ACTA2: variants seen among roughly 807,000 people sequenced by gnomAD.
ACTA2 encodes actin, aortic smooth muscle.
In ACTA2, 12 loss-of-function variants were observed where a neutral mutation model predicts 39.5. That is an observed-to-expected ratio of 0.30 (90% CI 0.19 to 0.49). The LOEUF is 0.49. ACTA2 is among the 20% of genes least tolerant of loss of function. ACTA2 has a pLI of 0.99. For missense variants in ACTA2, 236 were observed against 498.8 expected (o/e 0.47, Z 5.02); for synonymous variants, 158 against 180.6 (o/e 0.88, Z 1.00).
chr10:88,973,516 A>T, intron 1 of ACTA2: 1 of 500,204 alleles, frequency 2.0e-6, no homozygotes. Flanking sequence ...GAGGCCAGGT[A>T]CCCTGTCACC....
At chr10:88,948,634 C>T in intron 2 of ACTA2, 168 bp downstream of exon 2, 2 of 854,482 alleles carry the variant, frequency 2.3e-6, no homozygotes, top group Non-Finnish European at 3.8e-6. Flanking sequence ...AATCTGTCTA[C>T]ATTATATGTG....
At chr10:88,953,875 G>T (rs1846092048), upstream of ACTA2, among the ~76,000 whole-genome samples, 1 of 152,092 alleles carries the variant, frequency 6.6e-6, no homozygotes, top group Non-Finnish European at 1.5e-5. Context: ...ATGAGTTTAA[G>T]TTTCTTGAGG....
At chr10:88,979,180 A>C (rs893938977) in intron 1 of ACTA2, among the ~76,000 whole-genome samples, 5 of 152,116 alleles carry the variant, frequency 3.3e-5, no homozygotes, top group African/African-American at 1.2e-4. Flanking sequence ...GCTGGTTTTA[A>C]TGGGTTATGA....
intron 1 of ACTA2, among the ~76,000 whole-genome samples, chr10:88,988,342 G>C (rs1846970264): frequency 6.6e-6 from 1 of 151,272 alleles, no homozygotes. Context: ...AAAACAATTT[G>C]GTTGACAACA....
chr10:88,982,505 C>A (rs772890150), intron 1 of ACTA2, among the ~76,000 whole-genome samples: 1 of 150,832 alleles, frequency 6.6e-6, no homozygotes, highest in African/African-American at 2.4e-5. Flanking sequence ...ACATGTCCCA[C>A]GACAGAAATA....
At chr10:88,936,127 C>A (rs1845733707) in intron 8 of ACTA2, among the ~76,000 whole-genome samples, 1 of 152,176 alleles carries the variant, frequency 6.6e-6, no homozygotes, top group Non-Finnish European at 1.5e-5. Context: ...CATGTATTAT[C>A]TCATTTGATT....
intron 1 of ACTA2, among the ~76,000 whole-genome samples, chr10:88,950,923 A>C (rs1259958156): frequency 6.6e-6 from 1 of 152,238 alleles, no homozygotes; most frequent in East Asian, 1.9e-4. Flanking sequence ...TATTATTACT[A>C]TCACTGTGTG....
intron 1 of ACTA2, among the ~76,000 whole-genome samples, chr10:88,949,320 C>T (rs1203649632): frequency 3.3e-5 from 5 of 152,030 alleles, no homozygotes; most frequent in African/African-American, 1.2e-4. Context: ...AGACAAGTTG[C>T]CTACCTTATG....
At chr10:88,953,709 A>C (rs1230868961), upstream of ACTA2, among the ~76,000 whole-genome samples, 1 of 152,094 alleles carries the variant, frequency 6.6e-6, no homozygotes, top group Non-Finnish European at 1.5e-5. Flanking sequence ...GCTAGGTGGG[A>C]GGTGACTGGA....
chr10:88,969,777 G>A (rs867107581), intron 1 of ACTA2, among the ~76,000 whole-genome samples: 23 of 151,896 alleles, frequency 1.5e-4, no homozygotes, highest in African/African-American at 4.8e-4. Context: ...TATTTCATTC[G>A]TATACATCTT....
Position 88,990,924 on chromosome 10 carries a change from C to T in ACTA2, c.-24+15G>A. 6.2e-7 allele frequency: 1 copy of T among 1,614,174 alleles called. No homozygotes were observed. On this transcript the variant is annotated intron_variant, in intron 1 of 4. Coordinates refer to the ACTA2 transcript ENST00000415557. The surrounding 1 kb of genome is among the most constrained non-coding windows in gnomAD (Gnocchi z 4.9). ...TACCTCTGGTGAGCCCTCTCCTGCC[C>T]GGGTGGAGGCTTACCCCGTCTTAGT...
rs75566922 is a variant in ACTA2 at position 88,961,460 on chromosome 10, C to T, written c.-23-12507G>A. ...ACCTTGCCAACTGTCTGGGATGTCA[C>T]TGCTCATCTCTGTTTCTTCATCAGT... On this transcript the variant is annotated intron_variant, in intron 1 of 4. Coordinates refer to the ACTA2 transcript ENST00000415557. Among the ~76,000 whole-genome samples, 1,101 of 152,322 alleles carry T rather than the reference C, an allele frequency of 7.2e-3. 21 individuals are homozygous for T. In the East Asian group the frequency reaches 0.1, roughly 14 times the overall value.
At chr10:88,959,415 C>T (rs555838233) in intron 1 of ACTA2, among the ~76,000 whole-genome samples, 4 of 152,214 alleles carry the variant, frequency 2.6e-5, no homozygotes, top group South Asian at 4.2e-4. Flanking sequence ...ATATGGCCTA[C>T]GAATTGACTG....
intron 1 of ACTA2, among the ~76,000 whole-genome samples, chr10:88,988,375 G>C (rs1846971636): frequency 6.7e-6 from 1 of 150,342 alleles, no homozygotes; most frequent in Admixed American, 6.6e-5. Context: ...TAGGACCAAA[G>C]GGGAAAAGAA....
chr10:88,962,938 TA>T (rs1846254994), intron 1 of ACTA2, among the ~76,000 whole-genome samples: 1 of 15,420 alleles, frequency 6.5e-5, no homozygotes, highest in Non-Finnish European at 1.5e-4. Context: ...TATATATATA[TA>T]TATATATATA....
chr10:88,959,496 T>A (rs1224837926), intron 1 of ACTA2, among the ~76,000 whole-genome samples: 2 of 152,198 alleles, frequency 1.3e-5, no homozygotes, highest in African/African-American at 4.8e-5. Flanking sequence ...AAACACCTCC[T>A]AAATTACAAT....
upstream of ACTA2, among the ~76,000 whole-genome samples, chr10:88,954,431 G>GTTAATTCATTAATTT (rs1846101055): frequency 6.6e-6 from 1 of 152,112 alleles, no homozygotes; most frequent in Non-Finnish European, 1.5e-5. Context: ...GGCATTTGGG[G>GTTAATTCATTAATTT]TTAATTCATT....
chr10:88,987,348 T>C (rs186930601), intron 1 of ACTA2, among the ~76,000 whole-genome samples: 94 of 152,366 alleles, frequency 6.2e-4, no homozygotes, highest in Non-Finnish European at 5.9e-5. Context: ...TGTAAGAATC[T>C]AGCTTAAGCA....
chr10:88,944,334 G>C (rs1236793824), intron 3 of ACTA2, among the ~76,000 whole-genome samples: 1 of 152,130 alleles, frequency 6.6e-6, no homozygotes, highest in Non-Finnish European at 1.5e-5. Flanking sequence ...AAATAAATAA[G>C]GTAACCCTCG....
Sources: gnomAD v4.1 joint callset for allele counts (sites outside exome capture counted in the v4.1 genomes callset) on GRCh38, gnomAD v4.1.1 for gene constraint, Gnocchi (gnomAD v3.1) non-coding constraint, MANE v1.5 for transcripts, NCBI Gene and HGNC (gene_info 2026-07-23, HGNC 2026-07-21) for gene names.